Variants in PARD3B observed in about 807,000 individuals in gnomAD.
PARD3B encodes the protein partitioning defective 3 homolog B.
A neutral mutation model predicts 130.2 loss-of-function variants in PARD3B; 103 were observed. The observed-to-expected ratio is 0.79, with a 90% CI of 0.67 to 0.93. PARD3B has a LOEUF of 0.93. Among genes scored for constraint, PARD3B ranks in the 40% least tolerant of loss-of-function variants. The pLI, the probability that PARD3B is intolerant of heterozygous loss-of-function variation, is 0.00. For missense variants in PARD3B, 1,609 were observed against 1,499.2 expected, an observed-to-expected ratio of 1.07 and a Z score of -1.21; for synonymous variants, 583 against 553.2, an observed-to-expected ratio of 1.05 and a Z score of -0.76.
In PARD3B at chr2:204,799,686, TG is replaced by T. The variant is rs2042496938; in HGVS notation, c.222+113409del. Among the ~76,000 whole-genome samples the T allele has an allele frequency of 6.6e-6, 1 of 152,178 alleles. No individual in the cohort carries two copies. The highest frequency in any genetic ancestry group is 1.5e-5 in the Non-Finnish European group (1 of 68,024). On this transcript the variant is annotated intron_variant, in intron 2 of 22. Coordinates refer to ENST00000406610, the MANE Select transcript of PARD3B (RefSeq NM_001302769.2). The surrounding 1 kb of genome is among the most constrained non-coding windows in gnomAD (Gnocchi z 4.1). ...AGCACAGAGAAAGACTGACTCTTTT[TG>T]GGGGCAAAGTGAGGGAAGAGAACAA...
chr2:204,662,075 A>G (rs1405429827), intron 1 of PARD3B, among the ~76,000 whole-genome samples: 1 of 152,230 alleles, frequency 6.6e-6, no homozygotes, highest in Non-Finnish European at 1.5e-5. Flanking sequence ...CTGTACTGTA[A>G]AATACACTGG....
intron 1 of PARD3B, among the ~76,000 whole-genome samples, chr2:204,589,961 C>T (rs942325252): frequency 1.3e-5 from 2 of 152,090 alleles, no homozygotes; most frequent in Non-Finnish European, 2.9e-5. Flanking sequence ...TGCCATTGAT[C>T]GATTACAATC....
chr2:205,088,670 C>A (rs1488412669), intron 4 of PARD3B, among the ~76,000 whole-genome samples: 3 of 152,190 alleles, frequency 2.0e-5, no homozygotes, highest in Non-Finnish European at 4.4e-5. Flanking sequence ...CTTACACTGT[C>A]CCCTTTCTAT....
In PARD3B at chr2:205,229,179, T is replaced by C. The variant is rs921314180; in HGVS notation, c.2141-16599T>C. On this transcript the variant is annotated intron_variant, in intron 15 of 22. Transcript: ENST00000406610. The surrounding 1 kb of genome is among the most constrained non-coding windows in gnomAD (Gnocchi z 5.2). ...TCTTGAGGCTTGTGATTGTTTATCA[T>C]TGTCTCAACATTGAAGAGTTAGGTA... 2.0e-5 allele frequency among the ~76,000 whole-genome samples: 3 copies of C among 152,256 alleles called. No individual in the cohort carries two copies. The highest frequency in any genetic ancestry group is 4.4e-5 in the Non-Finnish European group (3 of 68,046).
At chr2:205,238,734 A>T (rs1286683164) in intron 15 of PARD3B, among the ~76,000 whole-genome samples, 1 of 149,320 alleles carries the variant, frequency 6.7e-6, no homozygotes, top group Non-Finnish European at 1.5e-5. Context: ...TGGGAGGCTG[A>T]GGCAGGAGAA....
At chr2:204,712,613 C>T (rs1330333223) in intron 2 of PARD3B, among the ~76,000 whole-genome samples, 1 of 47,600 alleles carries the variant, frequency 2.1e-5, no homozygotes, top group East Asian at 7.1e-4. Context: ...GACCCCATCT[C>T]AAAAAAAAAA....
At chr2:205,529,482 C>A (rs774386504) in intron 21 of PARD3B, among the ~76,000 whole-genome samples, 14 of 152,034 alleles carry the variant, frequency 9.2e-5, no homozygotes, top group Non-Finnish European at 1.6e-4. Context: ...AATCACTAGG[C>A]CTTTCAGAGC....
intron 4 of PARD3B, among the ~76,000 whole-genome samples, chr2:205,057,295 A>G (rs1156350049): frequency 2.0e-5 from 3 of 149,034 alleles, no homozygotes; most frequent in Non-Finnish European, 4.5e-5. Context: ...ATACATATAT[A>G]CATGTATGTA....
At chr2:205,395,064 C>T (rs776613105) in intron 18 of PARD3B, among the ~76,000 whole-genome samples, 7 of 152,136 alleles carry the variant, frequency 4.6e-5, no homozygotes, top group African/African-American at 9.7e-5. Flanking sequence ...CCTCCATCTC[C>T]GACCTCTCAC....
intron 10 of PARD3B, among the ~76,000 whole-genome samples, chr2:205,139,299 G>T (rs1195600171): frequency 6.6e-6 from 1 of 151,942 alleles, no homozygotes; most frequent in Admixed American, 6.6e-5. Context: ...CACAGTCATT[G>T]TCTACTTAAA....
chr2:205,324,238 A>G (rs923830641), intron 18 of PARD3B, among the ~76,000 whole-genome samples: 1 of 152,186 alleles, frequency 6.6e-6, no homozygotes, highest in South Asian at 2.1e-4. Context: ...TTCTTCTATT[A>G]CTTTTTTAAA....
At chr2:204,778,146 C>CA (rs35683519) in intron 2 of PARD3B, among the ~76,000 whole-genome samples, 14,313 of 109,258 alleles carry the variant, frequency 0.13, 1,043 homozygotes, top group East Asian at 0.27. Context: ...CACCCTCTAT[C>CA]AAAAAAAAAA....
At chr2:204,737,600 T>C (rs2039814318) in intron 2 of PARD3B, among the ~76,000 whole-genome samples, 2 of 152,172 alleles carry the variant, frequency 1.3e-5, no homozygotes, top group African/African-American at 2.4e-5. Flanking sequence ...TTCCATTTAT[T>C]TGTTTTTGTT....
rs778828854 is a variant in PARD3B at position 204,623,437 on chromosome 2, C to T, written c.121-62744C>T. 3.3e-5 allele frequency among the ~76,000 whole-genome samples: 5 copies of T among 152,088 alleles called. No homozygotes were observed. Among genetic ancestry groups the T allele is most frequent in the Non-Finnish European group, 5.9e-5 (4 of 68,004 alleles). The stretch of plus-strand genomic sequence containing the variant: ...CACCCCTTTATAGTCATACCCACAC[C>T]CAGCACCCTCCACCATCCCTTTTTC... On this transcript the variant is annotated intron_variant, in intron 1 of 22. Transcript: ENST00000406610. The surrounding 1 kb of genome is among the most constrained non-coding windows in gnomAD (Gnocchi z 4.5).
chr2:205,182,612 A>G (rs2125778598), intron 13 of PARD3B, among the ~76,000 whole-genome samples: 1 of 152,288 alleles, frequency 6.6e-6, no homozygotes, highest in South Asian at 2.1e-4. Context: ...AACAATAAAT[A>G]CATACATAGT....
At chr2:205,308,356 C>T (rs1009793049) in intron 18 of PARD3B, among the ~76,000 whole-genome samples, 2 of 152,048 alleles carry the variant, frequency 1.3e-5, no homozygotes, top group East Asian at 3.9e-4. Context: ...CCTGTAATCC[C>T]AGCACTTTGG....
intron 2 of PARD3B, among the ~76,000 whole-genome samples, chr2:204,710,182 G>A (rs549919645): frequency 6.6e-6 from 1 of 152,122 alleles, no homozygotes; most frequent in African/African-American, 2.4e-5. Context: ...GGTTAAGGTA[G>A]CATATATTTG....
intron 2 of PARD3B, among the ~76,000 whole-genome samples, chr2:204,810,944 T>G (rs1444689269): frequency 6.6e-6 from 1 of 152,032 alleles, no homozygotes; most frequent in Non-Finnish European, 1.5e-5. Flanking sequence ...TGGGCTTTTT[T>G]GTTGTTGTTG....
At chr2:204,680,071 T>A (rs1241126934) in intron 1 of PARD3B, among the ~76,000 whole-genome samples, 2 of 152,028 alleles carry the variant, frequency 1.3e-5, no homozygotes, top group Non-Finnish European at 2.9e-5. Context: ...TTATGCTATC[T>A]TTTTTAAAAA....
Sources: gnomAD v4.1 joint callset for allele counts (sites outside exome capture counted in the v4.1 genomes callset) on GRCh38, gnomAD v4.1.1 for gene constraint, Gnocchi (gnomAD v3.1) non-coding constraint, MANE v1.5 for transcripts, NCBI Gene and HGNC (gene_info 2026-07-23, HGNC 2026-07-21) for gene names.